SYT16: variants seen among roughly 807,000 people sequenced by gnomAD.
The protein encoded by SYT16 is synaptotagmin-16.
A neutral mutation model predicts 61.4 loss-of-function variants in SYT16; 42 were observed. That is an observed-to-expected ratio of 0.68 (90% CI 0.53 to 0.89). The LOEUF is 0.89. Among genes scored for constraint, SYT16 ranks in the 40% least tolerant of loss-of-function variants. SYT16 has a pLI of 0.00. For synonymous variants in SYT16, 314 were observed against 302.3 expected, an observed-to-expected ratio of 1.04 and a Z score of -0.40; for missense variants, 804 against 807.3, an observed-to-expected ratio of 1.00 and a Z score of 0.05.
chr14:62,050,632 A>C (rs1464676171), intron 3 of SYT16, among the ~76,000 whole-genome samples: 3 of 152,060 alleles, frequency 2.0e-5, no homozygotes, highest in Non-Finnish European at 4.4e-5. Context: ...GATGATGGTG[A>C]CGTACAGATG....
chr14:61,899,460 G>A (rs2048434843), intron 1 of SYT16, among the ~76,000 whole-genome samples: 1 of 152,190 alleles, frequency 6.6e-6, no homozygotes, highest in Non-Finnish European at 1.5e-5. Context: ...TCCCTCCAGG[G>A]ATGTAACAAT....
At chr14:61,856,347 A>G (rs990859677) in intron 1 of SYT16, among the ~76,000 whole-genome samples, 15 of 152,220 alleles carry the variant, frequency 9.9e-5, no homozygotes, top group Non-Finnish European at 1.8e-4. Context: ...GTAGCAGTGG[A>G]AATGGTGAGA....
At chr14:61,826,508 T>G (rs921448446) in intron 1 of SYT16, among the ~76,000 whole-genome samples, 1 of 152,078 alleles carries the variant, frequency 6.6e-6, no homozygotes, top group African/African-American at 2.4e-5. Context: ...AAAGTGCTCC[T>G]GGGCATAAGC....
chr14:61,925,126 GGAA>G (rs1460721483), intron 1 of SYT16, among the ~76,000 whole-genome samples: 1 of 152,190 alleles, frequency 6.6e-6, no homozygotes, highest in East Asian at 1.9e-4. Context: ...CTATTCCTAA[GGAA>G]GAAGGACAGA....
rs75899470 is a variant in SYT16, at chr14:62,042,478, G to T, written c.524-27125G>T. On this transcript the variant is annotated intron_variant, in intron 3 of 7. Coordinates refer to ENST00000683842, the MANE Select transcript of SYT16 (RefSeq NM_001367656.1). ...GGGCTAAAGCAATGGTCTACCTGGG[G>T]CTGATTGTTCCTCATTACTGAGGTC... 5.0e-3 allele frequency among the ~76,000 whole-genome samples: 760 copies of T among 152,252 alleles called. 2 individuals carry two copies. Among genetic ancestry groups the T allele is most frequent in the Non-Finnish European group, 8.0e-3 (547 of 68,018 alleles).
intron 3 of SYT16, among the ~76,000 whole-genome samples, chr14:62,019,978 T>G (rs1465368552): frequency 3.3e-5 from 5 of 152,188 alleles, no homozygotes; most frequent in African/African-American, 1.2e-4. Flanking sequence ...GGAATTGTTC[T>G]TTTTTAAATT....
intron 3 of SYT16, among the ~76,000 whole-genome samples, chr14:62,021,712 C>A (rs2053918638): frequency 6.6e-6 from 1 of 152,162 alleles, no homozygotes; most frequent in South Asian, 2.1e-4. Context: ...CCTCAGCCCC[C>A]AGTCTTTCTC....
At chr14:61,968,544 G>A (rs1030998836) in intron 1 of SYT16, among the ~76,000 whole-genome samples, 4 of 152,126 alleles carry the variant, frequency 2.6e-5, no homozygotes, top group Non-Finnish European at 5.9e-5. Flanking sequence ...ATATTTGACT[G>A]CTCCTAGATA....
chr14:61,885,053 C>T (rs1348162868), intron 1 of SYT16, among the ~76,000 whole-genome samples: 1 of 152,214 alleles, frequency 6.6e-6, no homozygotes. Flanking sequence ...GACTGAGTCA[C>T]ATCCAGCTTT....
chr14:62,103,488 G>T lies in SYT16; in HGVS notation c.*2781G>T, dbSNP rs2057458524. The T allele has an allele frequency of 3.3e-5, 5 of 152,170 alleles. No individual in the cohort carries two copies. In the South Asian group the frequency reaches 1.0e-3, roughly 31 times the overall value. The allele number at this position is 152,170 out of a possible 1,614,324, so 9.4% of individuals were successfully genotyped here. ...TTTATGGAAATCTGCTTTATAGTGT[G>T]CCTTCTTTTAGGGTGTGAGTTTACA... is the stretch of plus-strand genomic sequence containing the variant. On this transcript the variant is annotated 3_prime_UTR_variant, in exon 8 of 8. Coordinates refer to ENST00000683842, the MANE Select transcript of SYT16 (RefSeq NM_001367656.1).
chr14:61,957,204 A>AT (rs1000238033), intron 1 of SYT16, among the ~76,000 whole-genome samples: 1 of 55,422 alleles, frequency 1.8e-5, no homozygotes, highest in Non-Finnish European at 3.8e-5. Context: ...GTTTTTTATT[A>AT]TTTTTTTTAA....
intron 1 of SYT16, among the ~76,000 whole-genome samples, chr14:61,884,389 G>T (rs765176708): frequency 7.2e-5 from 11 of 152,030 alleles, no homozygotes; most frequent in Non-Finnish European, 1.6e-4. Flanking sequence ...TTATTACGTC[G>T]CCTCCTTTCT....
intron 1 of SYT16, among the ~76,000 whole-genome samples, chr14:61,813,550 G>T (rs1231056112): frequency 6.6e-6 from 1 of 152,182 alleles, no homozygotes; most frequent in Non-Finnish European, 1.5e-5. Flanking sequence ...TCACACCTGC[G>T]TACCTAGCAT....
intron 1 of SYT16, among the ~76,000 whole-genome samples, chr14:61,833,451 C>G (rs2046008729): frequency 6.6e-6 from 1 of 151,842 alleles, no homozygotes; most frequent in African/African-American, 2.4e-5. Flanking sequence ...GGCCACCATG[C>G]CCATCTAATT....
chr14:62,092,247 T>A lies in SYT16; in HGVS notation c.1624+7862T>A, dbSNP rs143199236. Among the ~76,000 whole-genome samples the A allele has an allele frequency of 7.4e-3, 1,104 of 148,690 alleles. 9 individuals carry two copies. The highest frequency in any genetic ancestry group is 0.04 in the East Asian group (199 of 5,036). On this transcript the variant is annotated intron_variant, in intron 7 of 7. Coordinates refer to ENST00000683842, the MANE Select transcript of SYT16 (RefSeq NM_001367656.1). ...ACACACTAACAAGTGTTAATGAGAA[T>A]GTGGAGAAATTGGAGCCCTTGTCCA...
intron 3 of SYT16, among the ~76,000 whole-genome samples, chr14:62,014,587 C>T (rs2053590714): frequency 6.6e-6 from 1 of 152,000 alleles, no homozygotes; most frequent in Non-Finnish European, 1.5e-5. Context: ...GTGCCCACCA[C>T]CATGCCCAAC....
chr14:61,827,823 A>G (rs1011355437), intron 1 of SYT16, among the ~76,000 whole-genome samples: 11 of 152,140 alleles, frequency 7.2e-5, no homozygotes. Context: ...AATTCTTACC[A>G]CCATATAAGT....
At chr14:61,948,054 G>T (rs1311973012) in intron 1 of SYT16, among the ~76,000 whole-genome samples, 1 of 152,180 alleles carries the variant, frequency 6.6e-6, no homozygotes, top group Non-Finnish European at 1.5e-5. Flanking sequence ...AAACTGGAAA[G>T]GTGGTCTGGG....
chr14:62,082,431 A>G (rs980750416), intron 6 of SYT16, among the ~76,000 whole-genome samples: 1 of 152,178 alleles, frequency 6.6e-6, no homozygotes, highest in South Asian at 2.1e-4. Flanking sequence ...CAAAAATCTC[A>G]GAAGTCATCT....
Sources: gnomAD v4.1 joint callset for allele counts (sites outside exome capture counted in the v4.1 genomes callset) on GRCh38, gnomAD v4.1.1 for gene constraint, MANE v1.5 for transcripts, NCBI Gene and HGNC (gene_info 2026-07-23, HGNC 2026-07-21) for gene names.